Variants in SPATS2L observed in about 807,000 individuals in gnomAD.
SPATS2L encodes the protein SPATS2-like protein.
Under a neutral mutation model 59.6 loss-of-function variants are expected in SPATS2L, and 30 were observed. That is an observed-to-expected ratio of 0.50 (90% CI 0.38 to 0.68). SPATS2L has a LOEUF of 0.68. Ranked by LOEUF, SPATS2L falls within the 30% of genes least tolerant of loss-of-function variation. The probability of loss-of-function intolerance (pLI) is 0.00; values close to 1 mark genes in which losing one functional copy is unlikely to be tolerated. For missense variants in SPATS2L, 615 were observed against 700.0 expected (o/e 0.88, Z 1.37); for synonymous variants, 252 against 263.5 (o/e 0.96, Z 0.42).
At chr2:200,425,526 A>G (rs1027629592) in intron 6 of SPATS2L, among the ~76,000 whole-genome samples, 1 of 152,034 alleles carries the variant, frequency 6.6e-6, no homozygotes, top group Non-Finnish European at 1.5e-5. Flanking sequence ...CAGGTTAACC[A>G]CTCTGCATCT....
At chr2:200,306,392 G>A, upstream of SPATS2L, 2 of 1,002,398 alleles carry the variant, frequency 2.0e-6, no homozygotes, top group Non-Finnish European at 2.4e-6. Flanking sequence ...GAAAGGCGAG[G>A]AAGTCGGTCT....
intron 8 of SPATS2L, among the ~76,000 whole-genome samples, chr2:200,451,188 G>A (rs1052780516): frequency 1.3e-5 from 2 of 151,798 alleles, no homozygotes; most frequent in Non-Finnish European, 2.9e-5. Flanking sequence ...GGGTATGGTG[G>A]TGTAGATCTC....
chr2:200,332,872 G>A (rs2079996696), intron 2 of SPATS2L, among the ~76,000 whole-genome samples: 1 of 151,730 alleles, frequency 6.6e-6, no homozygotes, highest in Admixed American at 6.6e-5. Flanking sequence ...CTATCAGTAG[G>A]AGAATAGATT....
At chr2:200,331,527 A>G (rs776303412) in intron 2 of SPATS2L, among the ~76,000 whole-genome samples, 1 of 152,222 alleles carries the variant, frequency 6.6e-6, no homozygotes, top group Non-Finnish European at 1.5e-5. Flanking sequence ...AACAATAACA[A>G]CAAAACTAAC....
chr2:200,439,414 C>A, intron 7 of SPATS2L, 86 bp downstream of exon 7: 1 of 1,150,214 alleles, frequency 8.7e-7, no homozygotes, highest in Non-Finnish European at 1.3e-6. Context: ...CCAAAAGATG[C>A]TGCTTAGTGA....
At chr2:200,345,263 G>A (rs546377208) in intron 2 of SPATS2L, among the ~76,000 whole-genome samples, 49 of 152,208 alleles carry the variant, frequency 3.2e-4, no homozygotes, top group African/African-American at 1.1e-3. Context: ...GTAAGAAAGT[G>A]GTCCAGTTTC....
At chr2:200,350,091 T>C (rs1339338363) in intron 2 of SPATS2L, among the ~76,000 whole-genome samples, 6 of 152,128 alleles carry the variant, frequency 3.9e-5, no homozygotes, top group Non-Finnish European at 8.8e-5. Context: ...GGTTCAGTTT[T>C]CTAGAGAGGA....
chr2:200,459,330 T>C (rs920725438), intron 8 of SPATS2L, among the ~76,000 whole-genome samples: 4 of 152,156 alleles, frequency 2.6e-5, no homozygotes, highest in Non-Finnish European at 5.9e-5. Flanking sequence ...TGCAGCAGAA[T>C]TGGGCCCATC....
intron 2 of SPATS2L, among the ~76,000 whole-genome samples, chr2:200,345,606 G>A (rs1231468775): frequency 6.6e-6 from 1 of 152,086 alleles, no homozygotes; most frequent in Admixed American, 6.5e-5. Context: ...ACACTTTCTA[G>A]GTTTACCCAG....
chr2:200,354,651 C>G (rs1303317998), intron 2 of SPATS2L, among the ~76,000 whole-genome samples: 1 of 152,028 alleles, frequency 6.6e-6, no homozygotes, highest in Non-Finnish European at 1.5e-5. Flanking sequence ...CCCACTTACC[C>G]ACTTCATTCT....
intron 2 of SPATS2L, among the ~76,000 whole-genome samples, chr2:200,337,922 C>T (rs2080197089): frequency 6.6e-6 from 1 of 152,192 alleles, no homozygotes; most frequent in Non-Finnish European, 1.5e-5. Context: ...AAGACATACT[C>T]AATTAGTATT....
chr2:200,473,368 C>G (rs550771855), intron 12 of SPATS2L, among the ~76,000 whole-genome samples: 1 of 152,264 alleles, frequency 6.6e-6, no homozygotes, highest in South Asian at 2.1e-4. Flanking sequence ...TCCCTGGGGC[C>G]CCGAAACCAG....
chr2:200,403,613 T>C (rs2082600139), intron 3 of SPATS2L, among the ~76,000 whole-genome samples: 1 of 152,206 alleles, frequency 6.6e-6, no homozygotes, highest in Admixed American at 6.5e-5. Context: ...AGACCACAGA[T>C]GCCTTCATCA....
Position 200,356,358 on chromosome 2 carries a change from G to A in SPATS2L, c.-23+26878G>A, listed in dbSNP as rs200565941. Reference sequence around the variant, plus strand: ...CTCACTGGCAATGAACATACAATGGGGACATCATAAGAGATGAACTAGTGC... The same window carrying A: ...CTCACTGGCAATGAACATACAATGGAGACATCATAAGAGATGAACTAGTGC... On this transcript the variant is annotated intron_variant, in intron 2 of 12. Coordinates refer to ENST00000409140, the MANE Select transcript of SPATS2L (RefSeq NM_001100423.2). 2.6e-5 allele frequency among the ~76,000 whole-genome samples: 4 copies of A among 151,996 alleles called. No individual in the cohort carries two copies. The East Asian group carries it at 5.8e-4, about 22-fold the overall frequency.
intron 6 of SPATS2L, among the ~76,000 whole-genome samples, chr2:200,434,169 T>C (rs534442077): frequency 1.5e-4 from 23 of 152,036 alleles, no homozygotes; most frequent in African/African-American, 5.3e-4. Flanking sequence ...ATAATATTAT[T>C]AATAAAATAA....
At chr2:200,341,454 T>C (rs2080322208) in intron 2 of SPATS2L, among the ~76,000 whole-genome samples, 1 of 152,212 alleles carries the variant, frequency 6.6e-6, no homozygotes, top group Non-Finnish European at 1.5e-5. Flanking sequence ...TTAATTGTGA[T>C]GTGCTGAAGC....
intron 8 of SPATS2L, among the ~76,000 whole-genome samples, chr2:200,454,842 T>A (rs1262118656): frequency 1.3e-5 from 2 of 152,204 alleles, no homozygotes; most frequent in African/African-American, 4.8e-5. Flanking sequence ...TAGAAAACTT[T>A]TAGTGGCCAG....
intron 5 of SPATS2L, among the ~76,000 whole-genome samples, chr2:200,416,913 A>G (rs759114575): frequency 1.3e-5 from 2 of 152,180 alleles, no homozygotes; most frequent in African/African-American, 2.4e-5. Flanking sequence ...AAGAAAAGAA[A>G]ATGCCTTAGA....
intron 3 of SPATS2L, 103 bp downstream of exon 3, chr2:200,389,386 G>C: frequency 1.3e-6 from 1 of 767,154 alleles, no homozygotes; most frequent in South Asian, 1.8e-5. Context: ...AAGTGGTTTT[G>C]GGGGATACGT....
Sources: allele counts gnomAD v4.1 joint callset (sites outside exome capture counted in the v4.1 genomes callset), GRCh38; gene constraint gnomAD v4.1.1; transcripts MANE v1.5; gene names NCBI Gene and HGNC (gene_info 2026-07-23, HGNC 2026-07-21).